Variants in SLC25A26 observed in about 807,000 individuals in gnomAD.
The protein encoded by SLC25A26 is solute carrier family 25 member 26, also known as mitochondrial S-adenosylmethionine carrier protein.
SLC25A26 carries 36 observed loss-of-function variants against 37.8 expected under a neutral mutation model. That is an observed-to-expected ratio of 0.95 (90% CI 0.73 to 1.26). The LOEUF is 1.26. Among genes scored for constraint, SLC25A26 ranks in the 50% most tolerant of loss-of-function variants. SLC25A26 has a pLI of 0.00. For missense variants in SLC25A26, 390 were observed against 331.1 expected, an observed-to-expected ratio of 1.18 and a Z score of -1.38; for synonymous variants, 129 against 122.5, an observed-to-expected ratio of 1.05 and a Z score of -0.35.
intron 1 of SLC25A26, among the ~76,000 whole-genome samples, chr3:66,175,135 A>ATATATATATG (rs1378507976): frequency 3.1e-5 from 2 of 65,054 alleles, no homozygotes; most frequent in Non-Finnish European, 6.5e-5. Flanking sequence ...ATATATATAT[A>ATATATATATG]TATATACACA....
At chr3:66,187,430 T>A (rs2106779702) in intron 1 of SLC25A26, among the ~76,000 whole-genome samples, 1 of 152,238 alleles carries the variant, frequency 6.6e-6, no homozygotes, top group East Asian at 1.9e-4. Flanking sequence ...TACTCGGATT[T>A]GGCCATCACC....
chr3:66,208,419 A>T (rs1378742902), intron 1 of SLC25A26, among the ~76,000 whole-genome samples: 2 of 152,088 alleles, frequency 1.3e-5, no homozygotes, highest in African/African-American at 4.8e-5. Context: ...GGCCCTGATC[A>T]GGGAAATTAG....
intron 5 of SLC25A26, among the ~76,000 whole-genome samples, chr3:66,297,560 C>G (rs1334788230): frequency 6.6e-6 from 1 of 152,106 alleles, no homozygotes; most frequent in African/African-American, 2.4e-5. Flanking sequence ...TATCTTGTGC[C>G]TTTTGAAGTT....
At chr3:66,177,954 C>T (rs4074364) in intron 1 of SLC25A26, among the ~76,000 whole-genome samples, 1 of 151,930 alleles carries the variant, frequency 6.6e-6, no homozygotes, top group South Asian at 2.1e-4. Flanking sequence ...GCGTAAATAG[C>T]ATTGATATTG....
chr3:66,244,921 G>A lies in SLC25A26; in HGVS notation c.300+1609G>A, dbSNP rs1013076799. 5.9e-5 allele frequency among the ~76,000 whole-genome samples: 9 copies of A among 152,066 alleles called. 1 individual carries two copies. Among genetic ancestry groups the A allele is most frequent in the African/African-American group, 2.2e-4 (9 of 41,410 alleles). ...GAACCCGGGAGGCAGAGCTTGCAGT[G>A]AGCCGAGATCAAGCCGCTGCACTCC... On this transcript the variant is annotated intron_variant, in intron 3 of 9. Transcript: ENST00000354883.
chr3:66,362,600 ATGT>A (rs900332588), intron 6 of SLC25A26, among the ~76,000 whole-genome samples: 5 of 152,186 alleles, frequency 3.3e-5, no homozygotes, highest in African/African-American at 1.2e-4. Context: ...TGTGGCGATG[ATGT>A]TTTGTGTGCG....
intron 5 of SLC25A26, among the ~76,000 whole-genome samples, chr3:66,342,467 ATGAT>A (rs1344476190): frequency 2.6e-5 from 4 of 152,220 alleles, no homozygotes; most frequent in African/African-American, 4.8e-5. Context: ...TTAGGGCTAA[ATGAT>A]ACCTTAGAAA....
intron 5 of SLC25A26, among the ~76,000 whole-genome samples, chr3:66,331,309 G>A (rs748214288): frequency 6.6e-6 from 1 of 152,026 alleles, no homozygotes; most frequent in African/African-American, 2.4e-5. Context: ...TCCCTAGGTA[G>A]TTTGAATTTG....
intron 8 of SLC25A26, among the ~76,000 whole-genome samples, chr3:66,370,241 T>G (rs1053655132): frequency 6.6e-6 from 1 of 152,236 alleles, no homozygotes; most frequent in African/African-American, 2.4e-5. Context: ...TCACATTGCT[T>G]CATAGTGCTT....
At chr3:66,181,780 C>CT (rs922019884) in intron 1 of SLC25A26, among the ~76,000 whole-genome samples, 33,369 of 96,990 alleles carry the variant, frequency 0.34, 6,611 homozygotes, top group South Asian at 0.44. Context: ...CTCCCCTTGT[C>CT]TTTTTTTTTT....
chr3:66,263,312 C>A lies in SLC25A26; in HGVS notation c.406-20C>A. The A allele has an allele frequency of 6.2e-7, 1 of 1,604,132 alleles. No homozygotes were observed. Among genetic ancestry groups the A allele is most frequent in the Non-Finnish European group, 8.5e-7 (1 of 1,172,234 alleles). ...ATCTCTGCCATTCTTTCTGAACTCTCGGCTGTGTGTTTGTTTCAGGGTATC... is the reference window on the plus strand; with the variant it reads ...ATCTCTGCCATTCTTTCTGAACTCTAGGCTGTGTGTTTGTTTCAGGGTATC... On this transcript the variant is annotated intron_variant, in intron 4 of 9. Transcript: ENST00000354883.
intron 1 of SLC25A26, among the ~76,000 whole-genome samples, chr3:66,188,443 AG>A (rs2070871980): frequency 6.6e-6 from 1 of 152,106 alleles, no homozygotes; most frequent in Admixed American, 6.5e-5. Context: ...AGAGGGAAGG[AG>A]GGGAATGAGT....
At chr3:66,248,073 A>G (rs1481094249) in intron 3 of SLC25A26, among the ~76,000 whole-genome samples, 1 of 152,232 alleles carries the variant, frequency 6.6e-6, no homozygotes, top group African/African-American at 2.4e-5. Flanking sequence ...TAGAAACAAT[A>G]ACATATTTTG....
chr3:66,263,702 A>C (rs1449375733), intron 5 of SLC25A26, among the ~76,000 whole-genome samples: 1 of 152,096 alleles, frequency 6.6e-6, no homozygotes, highest in African/African-American at 2.4e-5. Context: ...TCTGTCACCC[A>C]GGCTGGCGTG....
chr3:66,294,890 T>C (rs1289655685), intron 5 of SLC25A26, among the ~76,000 whole-genome samples: 2 of 152,196 alleles, frequency 1.3e-5, no homozygotes, highest in Non-Finnish European at 2.9e-5. Flanking sequence ...TTTTGGCTCT[T>C]AGTTGTAGGA....
At chr3:66,249,398 T>C (rs573872674) in intron 3 of SLC25A26, among the ~76,000 whole-genome samples, 6 of 152,330 alleles carry the variant, frequency 3.9e-5, no homozygotes, top group African/African-American at 9.6e-5. Flanking sequence ...TTCCCACTGG[T>C]TAAAGGATTG....
chr3:66,145,837 T>C (rs1202423514), intron 1 of SLC25A26, among the ~76,000 whole-genome samples: 1 of 152,128 alleles, frequency 6.6e-6, no homozygotes, highest in Non-Finnish European at 1.5e-5. Context: ...AATTTCAGAG[T>C]GTTTTGTTTA....
At chr3:66,250,881 A>G (rs1435390097) in intron 3 of SLC25A26, among the ~76,000 whole-genome samples, 1 of 152,260 alleles carries the variant, frequency 6.6e-6, no homozygotes, top group African/African-American at 2.4e-5. Flanking sequence ...TGGGATACGT[A>G]TAGATAGTAA....
chr3:66,344,643 G>A lies in SLC25A26; in HGVS notation c.454-1721G>A, dbSNP rs1010687955. Among the ~76,000 whole-genome samples, 8 of 152,214 alleles carry A rather than the reference G, an allele frequency of 5.3e-5. No homozygotes were observed. The East Asian group carries it at 1.2e-3, about 22-fold the overall frequency. On this transcript the variant is annotated intron_variant, in intron 5 of 9. Transcript: ENST00000354883. ...GCAGTGCCAGTACTGGGCCCGTGGC[G>A]TGTGCGTGTTCGTGGGCATCGCCAC...
Sources: gnomAD v4.1 joint callset for allele counts (sites outside exome capture counted in the v4.1 genomes callset) on GRCh38, gnomAD v4.1.1 for gene constraint, MANE v1.5 for transcripts, NCBI Gene and HGNC (gene_info 2026-07-23, HGNC 2026-07-21) for gene names.